TTLL4: variants seen among roughly 807,000 people sequenced by gnomAD.
TTLL4 encodes tubulin monoglutamylase TTLL4.
A neutral mutation model predicts 122.7 loss-of-function variants in TTLL4; 85 were observed. That is an observed-to-expected ratio of 0.69 (90% CI 0.58 to 0.83). The LOEUF (loss-of-function observed/expected upper bound fraction) is 0.83. Ranked by LOEUF, TTLL4 falls within the 40% of genes least tolerant of loss-of-function variation. The probability of loss-of-function intolerance (pLI) is 0.00; values close to 1 mark genes in which losing one functional copy is unlikely to be tolerated. For synonymous variants in TTLL4, 553 were observed against 563.0 expected (o/e 0.98, Z 0.25); for missense variants, 1,363 against 1,488.6 (o/e 0.92, Z 1.39).
chr2:218,736,122 G>A (rs1365367175), intron 2 of TTLL4, among the ~76,000 whole-genome samples: 1 of 150,318 alleles, frequency 6.7e-6, no homozygotes, highest in African/African-American at 2.5e-5. Context: ...CCACAGGCAT[G>A]CGCCACCATA....
chr2:218,750,961 A>G (rs1272080919), intron 15 of TTLL4, among the ~76,000 whole-genome samples: 1 of 152,208 alleles, frequency 6.6e-6, no homozygotes, highest in Non-Finnish European at 1.5e-5. Flanking sequence ...GTGTGAGGAA[A>G]AAAACCCTAT....
At chr2:218,739,931 C>T (rs1435328016) in intron 3 of TTLL4, 127 bp from the exon 4 acceptor site, 5 of 815,652 alleles carry the variant, frequency 6.1e-6, no homozygotes, top group Admixed American at 5.1e-5. Context: ...GTTGTGAGGT[C>T]CAGGCAAGAA....
At chr2:218,713,398 C>T (rs2106381561) in intron 1 of TTLL4, among the ~76,000 whole-genome samples, 2 of 152,258 alleles carry the variant, frequency 1.3e-5, no homozygotes, top group African/African-American at 4.8e-5. Flanking sequence ...CTGTCTCACC[C>T]TCCTGAGTAG....
At chr2:218,751,536 A>C (rs1943013633) in intron 15 of TTLL4, 168 bp from the exon 16 acceptor site, 23 of 847,070 alleles carry the variant, frequency 2.7e-5, no homozygotes, top group Non-Finnish European at 3.0e-5. Context: ...CTCTCAGGTT[A>C]CTTCTGGGGA....
At chr2:218,759,013 G>A (rs1943196764), downstream of TTLL4, among the ~76,000 whole-genome samples, 1 of 152,240 alleles carries the variant, frequency 6.6e-6, no homozygotes, top group Admixed American at 6.5e-5. Context: ...GGAGGCCAGG[G>A]CAGGTGGATC....
At chr2:218,756,543 A>G (rs1310166553), downstream of TTLL4, among the ~76,000 whole-genome samples, 5 of 152,154 alleles carry the variant, frequency 3.3e-5, no homozygotes, top group African/African-American at 4.8e-5. Context: ...TACCACATTT[A>G]CCTCTCACTC....
intron 14 of TTLL4, 146 bp from the exon 15 acceptor site, chr2:218,749,863 G>A: frequency 1.5e-5 from 17 of 1,103,476 alleles, no homozygotes; most frequent in Non-Finnish European, 1.8e-5. Flanking sequence ...AGAGAGTCTT[G>A]TGATGGTGAT....
At chr2:218,721,235 CAATTAATTAATT>C (rs10556568) in intron 1 of TTLL4, among the ~76,000 whole-genome samples, 1 of 151,272 alleles carries the variant, frequency 6.6e-6, no homozygotes, top group Non-Finnish European at 1.5e-5. Flanking sequence ...AATTTACCCC[CAATTAATTAATT>C]AATTAATTAA....
At chr2:218,728,567 G>A (rs1322529657) in intron 2 of TTLL4, among the ~76,000 whole-genome samples, 1 of 152,214 alleles carries the variant, frequency 6.6e-6, no homozygotes, top group Non-Finnish European at 1.5e-5. Flanking sequence ...CCATGGACCA[G>A]TACCAATCTG....
downstream of TTLL4, among the ~76,000 whole-genome samples, chr2:218,758,870 T>C (rs1399713350): frequency 6.6e-6 from 1 of 152,208 alleles, no homozygotes; most frequent in Non-Finnish European, 1.5e-5. Context: ...AGCAAAAATT[T>C]AGAAACAACC....
intron 2 of TTLL4, among the ~76,000 whole-genome samples, chr2:218,733,940 G>A (rs1942447702): frequency 6.6e-6 from 1 of 152,214 alleles, no homozygotes; most frequent in African/African-American, 2.4e-5. Context: ...TGGTGTTGAT[G>A]AGAAGTCAGT....
At chr2:218,757,197 C>G (rs574552453), downstream of TTLL4, among the ~76,000 whole-genome samples, 213 of 152,324 alleles carry the variant, frequency 1.4e-3, 1 homozygote, top group Non-Finnish European at 1.7e-3. Flanking sequence ...TGGGAAGAGA[C>G]AGGCAAGAAA....
rs1197081000 is a variant in TTLL4 at position 218,738,740 on chromosome 2, G to A, written c.1064G>A (p.Gly355Asp). 2 of 1,614,122 alleles carry A rather than the reference G, an allele frequency of 1.2e-6. No individual in the cohort carries two copies. Among genetic ancestry groups the A allele is most frequent in the African/African-American group, 2.7e-5 (2 of 74,950 alleles). Residue 355 changes from glycine to aspartate, a missense_variant, in exon 3 of 20, where the codon GGC becomes GAC. Physicochemically the swap from Gly to Asp is moderately conservative, Grantham distance 94. Coordinates refer to ENST00000392102, the MANE Select transcript of TTLL4 (RefSeq NM_014640.5). ...ARGFEKMPRQ[G>D]CQLEQSSFLN... ...GGCTTTGAGAAGATGCCGAGGCAAG[G>A]CTGCCAGCTTGAACAGTCTAGTTTC...
chr2:218,748,346 T>C, intron 12 of TTLL4, 119 bp downstream of exon 12: 2 of 1,435,530 alleles, frequency 1.4e-6, no homozygotes, highest in Non-Finnish European at 1.9e-6. Context: ...GAGATAACAC[T>C]TACCAATTCA....
At position 218,752,872 on chromosome 2, in the gene TTLL4, C is replaced by G. The variant is rs1352035517; in HGVS notation, c.3086C>G (p.Ser1029Cys). ...GGTCAGTTTGAACGAATTTTTCCTT[C>G]TCATATCTCCTCTCGCTATCTCCGC... The part of the protein sequence containing the change: ...RRGQFERIFP[S>C]HISSRYLRFF... Residue 1029 changes from serine (S) to cysteine (C), a missense_variant, in exon 17 of 20, where the codon TCT becomes TGT. This residue lies in a region of TTLL4 where 596 missense variants were observed against 655.8 expected (regional missense o/e 0.91). Coordinates refer to ENST00000392102, the MANE Select transcript of TTLL4 (RefSeq NM_014640.5). 2 of 1,614,196 alleles carry G rather than the reference C, an allele frequency of 1.2e-6. No individual in the cohort carries two copies. Among genetic ancestry groups the G allele is most frequent in the Non-Finnish European group, 8.5e-7 (1 of 1,180,040 alleles).
chr2:218,736,827 T>C (rs2106430079), intron 2 of TTLL4, among the ~76,000 whole-genome samples: 1 of 150,280 alleles, frequency 6.7e-6, no homozygotes, highest in Middle Eastern at 3.5e-3. Context: ...GCAGTAGATG[T>C]AAAATGAGTT....
intron 18 of TTLL4, 188 bp downstream of exon 18, chr2:218,753,373 C>G: frequency 1.2e-6 from 1 of 846,708 alleles, no homozygotes; most frequent in Admixed American, 2.4e-5. Flanking sequence ...ACCTTTCTTT[C>G]AAGGATCAAA....
rs776916089 is a variant in TTLL4 at position 218,754,399 on chromosome 2, C to G, written c.*10C>G. The G allele has an allele frequency of 1.2e-6, 2 of 1,613,760 alleles. No individual in the cohort carries two copies. The highest frequency in any genetic ancestry group is 2.7e-5 in the African/African-American group (2 of 75,040). ...GGCTGTGAGCCCATAACTGGCCTCT[C>G]TCCAAAAGCCTCTGCCCAGGAGCAT... is the stretch of plus-strand genomic sequence containing the variant. On this transcript the variant is annotated 3_prime_UTR_variant, in exon 20 of 20. Transcript: ENST00000392102.
At chr2:218,743,280 G>A (rs187715306) in intron 5 of TTLL4, among the ~76,000 whole-genome samples, 1 of 152,200 alleles carries the variant, frequency 6.6e-6, no homozygotes, top group African/African-American at 2.4e-5. Context: ...ATGTTACACA[G>A]ATAGAATCAC....
Sources: gnomAD v4.1 joint callset for allele counts (sites outside exome capture counted in the v4.1 genomes callset) on GRCh38, gnomAD v4.1.1 for gene constraint, gnomAD v4.1.1 regional missense constraint, MANE v1.5 for transcripts, NCBI Gene and HGNC (gene_info 2026-07-23, HGNC 2026-07-21) for gene names.